Variants in DST observed in about 807,000 individuals in gnomAD.
The protein encoded by DST is dystonin.
Under a neutral mutation model 875.2 loss-of-function variants are expected in DST, and 253 were observed. The observed-to-expected ratio is 0.29, with a 90% confidence interval of 0.26 to 0.32. DST has a LOEUF of 0.32. Among genes scored for constraint, DST ranks in the 10% least tolerant of loss-of-function variants. DST has a pLI of 1.00. For synonymous variants in DST, 3,124 were observed against 3,197.1 expected (o/e 0.98, Z 0.77); for missense variants, 8,287 against 9,111.6 (o/e 0.91, Z 3.68).
At chr6:56,752,109 T>A (rs1425794210) in intron 4 of DST, among the ~76,000 whole-genome samples, 5 of 152,146 alleles carry the variant, frequency 3.3e-5, no homozygotes, top group African/African-American at 1.2e-4. Context: ...TGGGCCAGGC[T>A]TTTTAACAAG....
At chr6:56,463,486 G>T in intron 101 of DST, 79 bp downstream of exon 101, 1 of 1,278,206 alleles carries the variant, frequency 7.8e-7, no homozygotes. Flanking sequence ...AAATTCTAGG[G>T]CCCTAAATAG....
At position 56,560,442 on chromosome 6, in the gene DST, T is replaced by C. The variant is rs556512769; in HGVS notation, c.14311-19A>G. On this transcript the variant is annotated intron_variant, in intron 57 of 103. Transcript: ENST00000680361. Reference sequence around the variant, plus strand: ...CAAACGACTAACAAGGGAAAAATAATAATAAATCATGTGTACAGCAAAAGA... The same window carrying C: ...CAAACGACTAACAAGGGAAAAATAACAATAAATCATGTGTACAGCAAAAGA... 238 of 1,574,234 alleles carry C rather than the reference T, an allele frequency of 1.5e-4. 3 individuals carry two copies. The South Asian group carries it at 2.6e-3, about 17-fold the overall frequency.
At position 56,472,176 on chromosome 6, in the gene DST, T is replaced by A; in HGVS notation, c.22041A>T (p.Thr7347=). The change falls in exon 94 of 104, where the codon ACA becomes ACT. Residue 7347 remains threonine (T), a synonymous_variant. Transcript: ENST00000680361. The stretch of plus-strand genomic sequence containing the variant: ...CCCTAGGATTTTTGGTTTCAATTTG[T>A]GTCTGTGACCCAGAGGGATACAAGC... The part of the protein sequence containing the change: ...ASSLYPSGSQ[T]QIETKNPRVN... 6.2e-7 allele frequency: 1 copy of A among 1,613,962 alleles called. No homozygotes were observed. The highest frequency in any genetic ancestry group is 1.1e-5 in the South Asian group (1 of 91,082).
intron 58 of DST, among the ~76,000 whole-genome samples, chr6:56,558,885 T>C (rs1394201846): frequency 6.6e-6 from 1 of 152,068 alleles, no homozygotes; most frequent in Non-Finnish European, 1.5e-5. Context: ...ACCCTATCCT[T>C]CCTTTACATT....
At chr6:56,474,167 C>T (rs913123715) in intron 92 of DST, 165 bp from the exon 93 acceptor site, 5 of 577,488 alleles carry the variant, frequency 8.7e-6, no homozygotes, top group Non-Finnish European at 1.5e-5. Flanking sequence ...CATCATACTG[C>T]AGGCATTTAC....
At chr6:56,838,078 G>GT (rs2099795832) in intron 4 of DST, among the ~76,000 whole-genome samples, 1 of 152,030 alleles carries the variant, frequency 6.6e-6, no homozygotes, top group Non-Finnish European at 1.5e-5. Context: ...AGTCTTTCCT[G>GT]TTTTTTATTC....
intron 30 of DST, 129 bp from the exon 31 acceptor site, chr6:56,630,512 TG>T (rs781738882): frequency 4.7e-6 from 4 of 843,280 alleles, no homozygotes; most frequent in Non-Finnish European, 7.5e-6. Flanking sequence ...ACATTTACTA[TG>T]AAACTGACAT....
chr6:56,660,955 CA>C (rs931376835), intron 10 of DST, among the ~76,000 whole-genome samples: 1 of 148,824 alleles, frequency 6.7e-6, no homozygotes, highest in Non-Finnish European at 1.5e-5. Context: ...ATAATTAAAA[CA>C]TATCTAATGA....
chr6:56,940,068 T>TA (rs1011531873), intron 2 of DST, among the ~76,000 whole-genome samples: 1 of 151,206 alleles, frequency 6.6e-6, no homozygotes, highest in African/African-American at 2.4e-5. Flanking sequence ...AGAAGTGGAA[T>TA]AAAAAAAAGT....
intron 2 of DST, 101 bp from the exon 3 acceptor site, chr6:56,900,722 T>C: frequency 2.4e-6 from 2 of 846,258 alleles, no homozygotes; most frequent in Non-Finnish European, 1.6e-6. Context: ...GTCACTATAT[T>C]CAGTGAGATC....
intron 2 of DST, among the ~76,000 whole-genome samples, chr6:56,906,419 AC>A (rs1280189480): frequency 6.6e-6 from 1 of 152,184 alleles, no homozygotes; most frequent in Non-Finnish European, 1.5e-5. Context: ...GGAAAGAACT[AC>A]CTGGGACTAG....
chr6:56,721,540 GTTC>G (rs1376997048), intron 5 of DST, among the ~76,000 whole-genome samples: 1 of 152,228 alleles, frequency 6.6e-6, no homozygotes, highest in African/African-American at 2.4e-5. Context: ...CACAATCCAT[GTTC>G]TTCTGCCATG....
chr6:56,626,404 CA>C (rs1344021528), intron 34 of DST, among the ~76,000 whole-genome samples: 1 of 152,020 alleles, frequency 6.6e-6, no homozygotes, highest in Non-Finnish European at 1.5e-5. Context: ...TTTAGATACA[CA>C]AATAGATACC....
chr6:56,673,663 T>C (rs2099114069), intron 9 of DST, among the ~76,000 whole-genome samples: 1 of 152,234 alleles, frequency 6.6e-6, no homozygotes, highest in African/African-American at 2.4e-5. Context: ...TTCAGATTGT[T>C]ACAAATACAA....
intron 4 of DST, among the ~76,000 whole-genome samples, chr6:56,823,275 T>C (rs1220225497): frequency 1.3e-5 from 2 of 152,252 alleles, no homozygotes; most frequent in African/African-American, 4.8e-5. Context: ...TTGTTCCACA[T>C]GTTCCAGCAC....
At chr6:56,546,389 T>TATATATATAA (rs1491334750) in intron 61 of DST, among the ~76,000 whole-genome samples, 2 of 104,264 alleles carry the variant, frequency 1.9e-5, no homozygotes, top group Non-Finnish European at 1.9e-5. Context: ...TATATATATA[T>TATATATATAA]AAATGTCAAA....
chr6:56,638,416 T>C (rs16888085), intron 22 of DST, among the ~76,000 whole-genome samples: 2,352 of 152,262 alleles, frequency 0.015, 55 homozygotes, highest in African/African-American at 0.05. Context: ...AGCCTAGAAT[T>C]GTACTAATCT....
Position 56,494,010 on chromosome 6 carries a change from T to C in DST, c.20394A>G (p.Lys6798=), listed in dbSNP as rs1379681381. Residue 6798 remains lysine (K), a splice_region_variant and synonymous_variant, in exon 83 of 104, where the codon AAA becomes AAG. Coordinates refer to ENST00000680361, the MANE Select transcript of DST (RefSeq NM_001374736.1). The part of the protein sequence containing the change: ...ESVETKLNER[K]TKLEEALNLA... Reference sequence around the variant, plus strand: ...CTATTATATTAATCAAAGCACATACTTTCCTTTCATTGAGTTTGGTTTCCA... The same window carrying C: ...CTATTATATTAATCAAAGCACATACCTTCCTTTCATTGAGTTTGGTTTCCA... The C allele has an allele frequency of 1.3e-6, 2 of 1,584,244 alleles. No homozygotes were observed. The highest frequency in any genetic ancestry group is 1.7e-6 in the Non-Finnish European group (2 of 1,163,546).
rs575689297 is a variant in DST, at chr6:56,770,204, A to C, written c.626-34915T>G. Among the ~76,000 whole-genome samples, 3 of 152,318 alleles carry C rather than the reference A, an allele frequency of 2.0e-5. No homozygotes were observed. The South Asian group carries it at 6.2e-4, about 32-fold the overall frequency. ...TGCAATAGTAACCAGGAAACCATTAATTTGGTAAAGAAACTGGGGTACAGA... is the reference window on the plus strand; with the variant it reads ...TGCAATAGTAACCAGGAAACCATTACTTTGGTAAAGAAACTGGGGTACAGA... On this transcript the variant is annotated intron_variant, in intron 4 of 103. Transcript: ENST00000680361.
Sources: allele counts gnomAD v4.1 joint callset (sites outside exome capture counted in the v4.1 genomes callset), GRCh38; gene constraint gnomAD v4.1.1; transcripts MANE v1.5; gene names NCBI Gene and HGNC (gene_info 2026-07-23, HGNC 2026-07-21).